The following FOXP2 variants were observed in gnomAD, a reference collection of about 807,000 sequenced individuals.
FOXP2 encodes forkhead box protein P2.
FOXP2 carries 12 observed loss-of-function variants against 115.8 expected under a neutral mutation model. The observed-to-expected ratio is 0.10, with a 90% CI of 0.07 to 0.17. The LOEUF (loss-of-function observed/expected upper bound fraction) is 0.17. FOXP2 is among the 10% of genes least tolerant of loss of function. The pLI, the probability that FOXP2 is intolerant of heterozygous loss-of-function variation, is 1.00. For synonymous variants in FOXP2, 328 were observed against 297.7 expected (o/e 1.10, Z -1.05); for missense variants, 629 against 843.5 (o/e 0.75, Z 3.15).
chr7:114,652,683 T>G (rs1256273789), intron 9 of FOXP2, among the ~76,000 whole-genome samples: 3 of 152,116 alleles, frequency 2.0e-5, no homozygotes, highest in Admixed American at 6.6e-5. Context: ...AAATGACCAG[T>G]CTTTACAATA....
chr7:114,398,013 A>C (rs1792786169), intron 2 of FOXP2, among the ~76,000 whole-genome samples: 1 of 152,106 alleles, frequency 6.6e-6, no homozygotes, highest in Non-Finnish European at 1.5e-5. Flanking sequence ...CTCTTGAGAA[A>C]TTCGATGGAG....
Position 114,456,782 on chromosome 7 carries a change from C to G in FOXP2, c.168+30103C>G, listed in dbSNP as rs201824443. ...ATATGGAAACAACTTCAGTGTCCACCAGCAATGAATGGATAAAGAAATTGT... is the reference window on the plus strand; with the variant it reads ...ATATGGAAACAACTTCAGTGTCCACGAGCAATGAATGGATAAAGAAATTGT... On this transcript the variant is annotated intron_variant, in intron 2 of 16. Coordinates refer to ENST00000350908, the MANE Select transcript of FOXP2 (RefSeq NM_014491.4). 5.0e-4 allele frequency among the ~76,000 whole-genome samples: 76 copies of G among 152,136 alleles called. No individual in the cohort carries two copies. In the East Asian group the frequency reaches 6.4e-3, roughly 13 times the overall value.
chr7:114,174,713 C>A (rs1329064587), intron 1 of FOXP2, among the ~76,000 whole-genome samples: 1 of 152,002 alleles, frequency 6.6e-6, no homozygotes, highest in Non-Finnish European at 1.5e-5. Flanking sequence ...GGAGTTGAAT[C>A]TTTCTTAAAA....
At chr7:114,206,308 A>G (rs1233204701) in intron 1 of FOXP2, among the ~76,000 whole-genome samples, 1 of 152,086 alleles carries the variant, frequency 6.6e-6, no homozygotes, top group East Asian at 1.9e-4. Context: ...CCTAACTCTT[A>G]TCTATGTCTG....
At chr7:114,571,024 C>T (rs564000606) in intron 3 of FOXP2, 270 of 767,920 alleles carry the variant, frequency 3.5e-4, no homozygotes, top group Non-Finnish European at 5.6e-4. Flanking sequence ...TGTTAAGATA[C>T]AGATGTAATT....
chr7:114,112,806 G>T (rs1791306371), intron 1 of FOXP2, among the ~76,000 whole-genome samples: 1 of 152,004 alleles, frequency 6.6e-6, no homozygotes, highest in Non-Finnish European at 1.5e-5. Context: ...AGAACTTGTG[G>T]GTATGCAGAT....
intron 1 of FOXP2, among the ~76,000 whole-genome samples, chr7:114,124,657 T>C (rs1360607724): frequency 6.6e-6 from 1 of 152,106 alleles, no homozygotes; most frequent in African/African-American, 2.4e-5. Context: ...GCTAAGAATA[T>C]GGTTGGCTTA....
intron 2 of FOXP2, among the ~76,000 whole-genome samples, chr7:114,403,007 T>C (rs1407456513): frequency 6.6e-6 from 1 of 152,154 alleles, no homozygotes; most frequent in Non-Finnish European, 1.5e-5. Context: ...ACATCTATGT[T>C]CATAGACTGT....
intron 1 of FOXP2, among the ~76,000 whole-genome samples, chr7:114,109,967 A>G (rs1169128929): frequency 6.6e-6 from 1 of 152,152 alleles, no homozygotes; most frequent in African/African-American, 2.4e-5. Flanking sequence ...GAAGTAAGTA[A>G]TCTAAAAATA....
rs540574705 is a variant in FOXP2, at chr7:114,447,219, C to T, written c.168+20540C>T. On this transcript the variant is annotated intron_variant, in intron 2 of 16. Transcript: ENST00000350908. The stretch of plus-strand genomic sequence containing the variant: ...TGCTGCTTCCCACTGTCCGAATTGC[C>T]GTCACCAGTTTGACATCTCTCTCTT... Among the ~76,000 whole-genome samples, 10 of 152,220 alleles carry T rather than the reference C, an allele frequency of 6.6e-5. No individual in the cohort carries two copies. The East Asian group carries it at 1.7e-3, about 26-fold the overall frequency.
chr7:114,307,128 G>A (rs927654276), intron 2 of FOXP2, among the ~76,000 whole-genome samples: 2 of 152,054 alleles, frequency 1.3e-5, no homozygotes, highest in African/African-American at 4.8e-5. Flanking sequence ...ATGCTGTATT[G>A]GTTTCTGGTG....
At chr7:114,291,757 T>C (rs962344308) in intron 2 of FOXP2, among the ~76,000 whole-genome samples, 3 of 150,108 alleles carry the variant, frequency 2.0e-5, no homozygotes, top group African/African-American at 7.3e-5. Context: ...CCATACACAG[T>C]TTACAAATAG....
At chr7:114,529,139 C>T (rs1366470300) in intron 2 of FOXP2, among the ~76,000 whole-genome samples, 3 of 151,702 alleles carry the variant, frequency 2.0e-5, no homozygotes, top group Non-Finnish European at 1.5e-5. Flanking sequence ...TGTACTGCAC[C>T]TTATAGAATG....
intron 1 of FOXP2, among the ~76,000 whole-genome samples, chr7:114,092,797 T>A (rs1243574338): frequency 6.6e-6 from 1 of 152,208 alleles, no homozygotes; most frequent in African/African-American, 2.4e-5. Flanking sequence ...TTGATCTATG[T>A]CTGTATGCCT....
At chr7:114,408,401 T>C (rs1793083469) in intron 2 of FOXP2, among the ~76,000 whole-genome samples, 1 of 152,140 alleles carries the variant, frequency 6.6e-6, no homozygotes, top group African/African-American at 2.4e-5. Context: ...AGATAACTGT[T>C]CATGTTGGTG....
intron 2 of FOXP2, among the ~76,000 whole-genome samples, chr7:114,446,809 G>C (rs1045293637): frequency 1.3e-5 from 2 of 150,936 alleles, no homozygotes; most frequent in Admixed American, 6.6e-5. Context: ...CATGCAGTGG[G>C]GTGATCTCAG....
intron 2 of FOXP2, among the ~76,000 whole-genome samples, chr7:114,350,387 C>T (rs1791454842): frequency 6.6e-6 from 1 of 152,138 alleles, no homozygotes; most frequent in South Asian, 2.1e-4. Flanking sequence ...CGAGTGAGAA[C>T]ACGCAGTGTG....
chr7:114,225,466 G>T (rs1325246095), intron 1 of FOXP2, among the ~76,000 whole-genome samples: 4 of 151,684 alleles, frequency 2.6e-5, no homozygotes. Context: ...CTTTTTAGAG[G>T]CAGGGTCTTT....
At chr7:114,329,644 TTTTATTTATTTATTTATTTATTTA>T (rs138684494) in intron 2 of FOXP2, among the ~76,000 whole-genome samples, 2 of 147,444 alleles carry the variant, frequency 1.4e-5, no homozygotes, top group African/African-American at 5.0e-5. Flanking sequence ...ACTATGTAAG[TTTTATTTATTTATTTATTTATTTA>T]TTTATTTATT....
Sources: allele counts gnomAD v4.1 joint callset (sites outside exome capture counted in the v4.1 genomes callset), GRCh38; gene constraint gnomAD v4.1.1; transcripts MANE v1.5; gene names NCBI Gene and HGNC (gene_info 2026-07-23, HGNC 2026-07-21).